Variants in WDR3 observed in about 807,000 individuals in gnomAD.
The protein encoded by WDR3 is WD repeat domain 3.
WDR3 carries 81 observed loss-of-function variants against 123.7 expected under a neutral mutation model. That is an observed-to-expected ratio of 0.65 (90% CI 0.55 to 0.79). The LOEUF (loss-of-function observed/expected upper bound fraction) is 0.79, where lower values mean the gene tolerates loss of function less well. Among genes scored for constraint, WDR3 ranks in the 30% least tolerant of loss-of-function variants. WDR3 has a pLI of 0.00. For missense variants in WDR3, 1,027 were observed against 1,123.2 expected (o/e 0.91, Z 1.22); for synonymous variants, 390 against 388.8 (o/e 1.00, Z -0.04).
chr1:117,944,044 C>T, intron 11 of WDR3, among the ~76,000 whole-genome samples: 1 of 152,154 alleles, frequency 6.6e-6, no homozygotes, highest in South Asian at 2.1e-4. Flanking sequence ...GATCATATCT[C>T]CCACCTTAAA....
rs1421481689 is a variant in WDR3, at chr1:117,964,831, C to T, written c.*5384C>T. ...AAGTTCCTTTAACTTTCTCCTTCAC[C>T]TCGGAATATCTGAATCATCAGCTAT... On this transcript the variant is annotated 3_prime_UTR_variant, in exon 27 of 27. Coordinates refer to ENST00000349139, the MANE Select transcript of WDR3 (RefSeq NM_006784.3). 1 of 152,182 alleles carries T rather than the reference C, an allele frequency of 6.6e-6. No homozygotes were observed. The highest frequency in any genetic ancestry group is 2.4e-5 in the African/African-American group (1 of 41,434). The allele number at this position is 152,182 out of a possible 1,614,324, so 9.4% of individuals were successfully genotyped here.
At position 117,961,307 on chromosome 1, in the gene WDR3, A is replaced by G. The variant is rs1246949863; in HGVS notation, c.*1860A>G. ...TCCAAAATAATAATAGTAAAAAAAA[A>G]TCTGTATAACAGTGGAGCCAAGTGG... On this transcript the variant is annotated 3_prime_UTR_variant, in exon 27 of 27. Transcript: ENST00000349139. 1 of 152,206 alleles carries G rather than the reference A, an allele frequency of 6.6e-6. No homozygotes were observed. Among genetic ancestry groups the G allele is most frequent in the African/African-American group, 2.4e-5 (1 of 41,446 alleles). The allele number at this position is 152,206 out of a possible 1,614,324, so 9.4% of individuals were successfully genotyped here.
At chr1:117,949,880 G>A (rs749103355) in intron 14 of WDR3, 44 bp downstream of exon 14, 4 of 1,610,418 alleles carry the variant, frequency 2.5e-6, no homozygotes, top group Non-Finnish European at 3.4e-6. Flanking sequence ...GTGAAAATGG[G>A]GAGCTATGGA....
chr1:117,952,897 G>A (rs764064790), intron 19 of WDR3, 49 bp from the exon 20 acceptor site: 4 of 1,601,972 alleles, frequency 2.5e-6, no homozygotes, highest in Non-Finnish European at 3.4e-6. Context: ...TCTTCATATA[G>A]AGACCATGTT....
In WDR3 at chr1:117,936,838, G is replaced by A; in HGVS notation, c.451G>A (p.Ala151Thr). Residue 151 changes from alanine to threonine, a missense_variant, in exon 4 of 27, where the codon GCC (alanine) becomes ACC (threonine). Coordinates refer to ENST00000349139, the MANE Select transcript of WDR3 (RefSeq NM_006784.3). ...GTACCGTCTAAAGGGGCACAAGGAT[G>A]CCATCACACAAGCATTGTTTCTACG... ...GLYRLKGHKD[A>T]ITQALFLREK... 1 of 1,613,472 alleles carries A rather than the reference G, an allele frequency of 6.2e-7. No individual in the cohort carries two copies. Among genetic ancestry groups the A allele is most frequent in the Non-Finnish European group, 8.5e-7 (1 of 1,179,542 alleles).
In WDR3 at chr1:117,946,197, C is replaced by G; in HGVS notation, c.1422+18C>G. The G allele has an allele frequency of 1.3e-6, 2 of 1,573,498 alleles. No individual in the cohort carries two copies. Among genetic ancestry groups the G allele is most frequent in the African/African-American group, 1.4e-5 (1 of 73,548 alleles). Reference sequence around the variant, plus strand: ...GAACAAAGGTAAATGGAGACTTTTTCTGGGATATCTGGATCTTTTCTACTC... The same window carrying G: ...GAACAAAGGTAAATGGAGACTTTTTGTGGGATATCTGGATCTTTTCTACTC... On this transcript the variant is annotated intron_variant, in intron 12 of 26. Coordinates refer to ENST00000349139, the MANE Select transcript of WDR3 (RefSeq NM_006784.3).
Position 117,948,525 on chromosome 1 carries a change from A to G in WDR3, c.1524+19A>G. ...AGATCAGGTAACTAAACCAGATTTT[A>G]AAGCCCTGGAGTTCAGCCCTGTGGC... On this transcript the variant is annotated intron_variant, in intron 13 of 26. Transcript: ENST00000349139. The G allele has an allele frequency of 6.2e-7, 1 of 1,605,092 alleles. No homozygotes were observed. Among genetic ancestry groups the G allele is most frequent in the Middle Eastern group, 1.7e-4 (1 of 5,880 alleles).
In WDR3 at chr1:117,948,517, C is replaced by G. The variant is rs777984633; in HGVS notation, c.1524+11C>G. ...CTCTCTCCAGATCAGGTAACTAAAC[C>G]AGATTTTAAAGCCCTGGAGTTCAGC... On this transcript the variant is annotated intron_variant, in intron 13 of 26. Coordinates refer to ENST00000349139, the MANE Select transcript of WDR3 (RefSeq NM_006784.3). The G allele has an allele frequency of 2.1e-5, 34 of 1,608,224 alleles. No homozygotes were observed. In the Admixed American group the frequency reaches 5.2e-4, roughly 25 times the overall value.
chr1:117,956,987 A>G, intron 24 of WDR3, 81 bp from the exon 25 acceptor site: 2 of 1,264,966 alleles, frequency 1.6e-6, no homozygotes, highest in Non-Finnish European at 2.1e-6. Flanking sequence ...AGAAAAAATA[A>G]TAAAGGGAAG....
Position 117,946,175 on chromosome 1 carries a change from C to T in WDR3, c.1418C>T (p.Thr473Ile), listed in dbSNP as rs768677756. The change falls in exon 12 of 27, where the codon ACA becomes ATA. Residue 473 changes from threonine (T) to isoleucine (I), a missense_variant. Thr to Ile is a moderately conservative substitution (Grantham distance 89, BLOSUM62 -1). Transcript: ENST00000349139. ...GGTGATAGACAGGTAGTCATAGGAACAAAGGTAAATGGAGACTTTTTCTGG... is the reference window on the plus strand; with the variant it reads ...GGTGATAGACAGGTAGTCATAGGAATAAAGGTAAATGGAGACTTTTTCTGG... ...VPGDRQVVIG[T>I]KTGKLQLYDL... 1.9e-6 allele frequency: 3 copies of T among 1,607,990 alleles called. No individual in the cohort carries two copies. In the South Asian group the frequency reaches 3.3e-5, roughly 18 times the overall value.
At position 117,963,865 on chromosome 1, in the gene WDR3, C is replaced by G; in HGVS notation, c.*4418C>G. 3 of 1,613,982 alleles carry G rather than the reference C, an allele frequency of 1.9e-6. No individual in the cohort carries two copies. The highest frequency in any genetic ancestry group is 1.7e-6 in the Non-Finnish European group (2 of 1,179,872). On this transcript the variant is annotated 3_prime_UTR_variant, in exon 27 of 27. Transcript: ENST00000349139. ...TGGAGGAATAAATTGTAGAAGTTCT[C>G]TGGACCATTGGATTTTCTTTTCCCT... is the stretch of plus-strand genomic sequence containing the variant.
intron 24 of WDR3, among the ~76,000 whole-genome samples, chr1:117,956,801 A>G (rs1652267098): frequency 6.6e-6 from 1 of 152,212 alleles, no homozygotes; most frequent in Non-Finnish European, 1.5e-5. Flanking sequence ...ATTCAACAAA[A>G]GGCTTTGGAG....
intron 4 of WDR3, among the ~76,000 whole-genome samples, chr1:117,937,536 A>G (rs1650989334): frequency 1.3e-5 from 2 of 152,210 alleles, no homozygotes; most frequent in African/African-American, 2.4e-5. Context: ...GGGATAGGAT[A>G]CAGGTAAATT....
chr1:117,941,657 A>G (rs1651177067), intron 8 of WDR3, 93 bp from the exon 9 acceptor site: 1 of 1,463,696 alleles, frequency 6.8e-7, no homozygotes, highest in Non-Finnish European at 9.2e-7. Context: ...TACTAAGGGA[A>G]GAAAAATAAA....
At position 117,949,827 on chromosome 1, in the gene WDR3, C is replaced by G. The variant is rs775998296; in HGVS notation, c.1601C>G (p.Thr534Ser). 6.2e-7 allele frequency: 1 copy of G among 1,613,664 alleles called. No homozygotes were observed. The highest frequency in any genetic ancestry group is 1.1e-5 in the South Asian group (1 of 91,046). The change falls in exon 14 of 27, where the codon ACC becomes AGC. Residue 534 changes from threonine (T) to serine (S), a missense_variant. Coordinates refer to ENST00000349139, the MANE Select transcript of WDR3 (RefSeq NM_006784.3). The part of the protein sequence containing the change: ...DFELVKDENS[T>S]QKRLSVKQTR... The stretch of plus-strand genomic sequence containing the variant: ...GAGTTAGTGAAAGATGAAAATAGTA[C>G]CCAAAAGAGGTGAGTAGACATTTTT...
At chr1:117,939,348 G>A (rs375953464) in intron 5 of WDR3, 129 bp from the exon 6 acceptor site, 6 of 873,426 alleles carry the variant, frequency 6.9e-6, no homozygotes, top group Middle Eastern at 3.1e-4. Context: ...AAGGGTTGTC[G>A]ATATGCCTTT....
chr1:117,939,665 C>T, intron 6 of WDR3, 93 bp downstream of exon 6: 1 of 1,248,040 alleles, frequency 8.0e-7, no homozygotes, highest in Admixed American at 1.9e-5. Context: ...TACTTCACAT[C>T]ATATTAGAAG....
At chr1:117,946,851 G>A (rs898854120) in intron 12 of WDR3, among the ~76,000 whole-genome samples, 7 of 147,438 alleles carry the variant, frequency 4.7e-5, no homozygotes, top group African/African-American at 1.8e-4. Flanking sequence ...TGAGGCAGGA[G>A]AATGGCGTGA....
chr1:117,952,714 G>C, intron 19 of WDR3, 52 bp downstream of exon 19: 1 of 1,591,272 alleles, frequency 6.3e-7, no homozygotes, highest in Non-Finnish European at 8.5e-7. Context: ...CTGACAGGCT[G>C]TCCTAGTTGA....
Sources: allele counts gnomAD v4.1 joint callset (sites outside exome capture counted in the v4.1 genomes callset), GRCh38; gene constraint gnomAD v4.1.1; transcripts MANE v1.5; gene names NCBI Gene and HGNC (gene_info 2026-07-23, HGNC 2026-07-21).